The following NEDD4L variants were observed in gnomAD, a reference collection of about 807,000 sequenced individuals.
NEDD4L encodes E3 ubiquitin-protein ligase NEDD4-like.
Under a neutral mutation model 148.9 loss-of-function variants are expected in NEDD4L, and 54 were observed. The ratio of observed to expected loss-of-function variants is 0.36; its 90% CI spans 0.29 to 0.45. The LOEUF (loss-of-function observed/expected upper bound fraction) is 0.45, where lower values mean the gene tolerates loss of function less well. Ranked by LOEUF, NEDD4L falls within the 20% of genes least tolerant of loss-of-function variation. The pLI is 1.00. For missense variants in NEDD4L, 856 were observed against 1,233.8 expected, an observed-to-expected ratio of 0.69 and a Z score of 4.59; for synonymous variants, 433 against 440.7, an observed-to-expected ratio of 0.98 and a Z score of 0.22.
At chr18:58,214,791 C>CTTTCTTTT (rs2042979624) in intron 2 of NEDD4L, among the ~76,000 whole-genome samples, 1 of 79,158 alleles carries the variant, frequency 1.3e-5, no homozygotes, top group Middle Eastern at 6.3e-3. Context: ...CTGTTTCTTT[C>CTTTCTTTT]TTTCTTTCAT....
intron 2 of NEDD4L, among the ~76,000 whole-genome samples, chr18:58,229,801 C>A (rs909844902): frequency 4.6e-5 from 7 of 151,968 alleles, no homozygotes; most frequent in African/African-American, 1.7e-4. Context: ...ACTATCCTGG[C>A]CAATATGGTG....
intron 10 of NEDD4L, among the ~76,000 whole-genome samples, chr18:58,330,503 C>G (rs1341001334): frequency 6.6e-6 from 1 of 152,222 alleles, no homozygotes; most frequent in Admixed American, 6.5e-5. Flanking sequence ...GGCCCTACCA[C>G]TTGCTAGATG....
intron 2 of NEDD4L, among the ~76,000 whole-genome samples, chr18:58,241,194 G>A (rs555995778): frequency 1.3e-5 from 2 of 152,354 alleles, no homozygotes; most frequent in African/African-American, 2.4e-5. Context: ...TATAAGGGAA[G>A]TGCTACTATT....
At chr18:58,248,017 A>G (rs1485086178) in intron 3 of NEDD4L, among the ~76,000 whole-genome samples, 3 of 152,140 alleles carry the variant, frequency 2.0e-5, no homozygotes, top group African/African-American at 7.2e-5. Flanking sequence ...CATCTCCCTG[A>G]ACTGATCTAT....
intron 24 of NEDD4L, 74 bp downstream of exon 24, chr18:58,373,343 A>G: frequency 1.2e-6 from 1 of 831,944 alleles, no homozygotes; most frequent in Non-Finnish European, 2.0e-6. Flanking sequence ...GCTGTAACAC[A>G]ACTTTGCTGG....
At chr18:58,370,970 G>A (rs571504942) in intron 23 of NEDD4L, among the ~76,000 whole-genome samples, 1 of 152,328 alleles carries the variant, frequency 6.6e-6, no homozygotes, top group South Asian at 2.1e-4. Context: ...AGTGATTTGG[G>A]TTTTCATGTT....
chr18:58,175,308 C>T (rs979803170), intron 2 of NEDD4L, among the ~76,000 whole-genome samples: 32 of 149,276 alleles, frequency 2.1e-4, no homozygotes, highest in African/African-American at 7.1e-4. Flanking sequence ...CACTAGGGAC[C>T]GTACACCTCC....
chr18:58,325,655 T>C (rs2144452238), intron 9 of NEDD4L, among the ~76,000 whole-genome samples: 1 of 152,322 alleles, frequency 6.6e-6, no homozygotes. Flanking sequence ...CCCCTTAATA[T>C]AATCAGAAAC....
chr18:58,179,204 C>G (rs954648014), intron 2 of NEDD4L, among the ~76,000 whole-genome samples: 2 of 152,156 alleles, frequency 1.3e-5, no homozygotes, highest in Non-Finnish European at 2.9e-5. Context: ...ATTTCATCTT[C>G]TCTTATTATT....
At chr18:58,309,869 G>C (rs990545656) in intron 5 of NEDD4L, among the ~76,000 whole-genome samples, 1 of 152,040 alleles carries the variant, frequency 6.6e-6, no homozygotes, top group Non-Finnish European at 1.5e-5. Flanking sequence ...CAAGTACCTG[G>C]AGCCACCAGG....
chr18:58,165,242 C>T (rs80071486), intron 1 of NEDD4L, among the ~76,000 whole-genome samples: 1,712 of 152,310 alleles, frequency 0.011, 31 homozygotes, highest in African/African-American at 0.039. Flanking sequence ...TTCCAAGACA[C>T]TTTGGGGTGG....
intron 16 of NEDD4L, among the ~76,000 whole-genome samples, chr18:58,348,145 C>G (rs1302981998): frequency 1.3e-5 from 2 of 151,652 alleles, no homozygotes; most frequent in African/African-American, 4.9e-5. Flanking sequence ...GGCAGGCATG[C>G]ACCACCACAC....
At chr18:58,072,693 T>G (rs2082929552) in intron 1 of NEDD4L, among the ~76,000 whole-genome samples, 1 of 152,212 alleles carries the variant, frequency 6.6e-6, no homozygotes, top group Non-Finnish European at 1.5e-5. Flanking sequence ...TTCTCACCAC[T>G]TCTATGTAGC....
intron 2 of NEDD4L, among the ~76,000 whole-genome samples, chr18:58,181,310 G>T (rs895168721): frequency 6.6e-6 from 1 of 152,176 alleles, no homozygotes; most frequent in Non-Finnish European, 1.5e-5. Flanking sequence ...TTCAAATGAA[G>T]AGTACTGTAT....
At chr18:58,175,701 C>G (rs1350426529) in intron 2 of NEDD4L, among the ~76,000 whole-genome samples, 1 of 152,232 alleles carries the variant, frequency 6.6e-6, no homozygotes, top group Non-Finnish European at 1.5e-5. Context: ...GCTGTTTGTT[C>G]TAGCTGTATT....
At chr18:58,361,599 T>C (rs1191178204) in intron 19 of NEDD4L, among the ~76,000 whole-genome samples, 1 of 152,196 alleles carries the variant, frequency 6.6e-6, no homozygotes, top group East Asian at 1.9e-4. Flanking sequence ...GAGCCCCAGA[T>C]GCGCTGGTGT....
At chr18:58,060,438 A>G (rs1175352751) in intron 1 of NEDD4L, among the ~76,000 whole-genome samples, 1 of 152,128 alleles carries the variant, frequency 6.6e-6, no homozygotes, top group Non-Finnish European at 1.5e-5. Context: ...AAAGCTCACC[A>G]TGCAGCTTTG....
intron 1 of NEDD4L, among the ~76,000 whole-genome samples, chr18:58,156,829 C>T (rs1363850160): frequency 6.6e-6 from 1 of 152,148 alleles, no homozygotes; most frequent in African/African-American, 2.4e-5. Flanking sequence ...CTTCTGCCAC[C>T]TCCTCCTCCT....
rs1030872748 is a variant in NEDD4L at position 58,109,219 on chromosome 18, G to A, written c.49-56569G>A. Among the ~76,000 whole-genome samples, 11 of 152,334 alleles carry A rather than the reference G, an allele frequency of 7.2e-5. No homozygotes were observed. The South Asian group carries it at 1.0e-3, about 14-fold the overall frequency. On this transcript the variant is annotated intron_variant, in intron 1 of 30. Coordinates refer to ENST00000400345, the MANE Select transcript of NEDD4L (RefSeq NM_001144967.3). Reference sequence around the variant, plus strand: ...AGGCAGGCGGGAAGCCCAGGAGGGCGTGATAAGTGCTACAATTCAGGTGTG... The same window carrying A: ...AGGCAGGCGGGAAGCCCAGGAGGGCATGATAAGTGCTACAATTCAGGTGTG...
Sources: gnomAD v4.1 joint callset for allele counts (sites outside exome capture counted in the v4.1 genomes callset) on GRCh38, gnomAD v4.1.1 for gene constraint, MANE v1.5 for transcripts, NCBI Gene and HGNC (gene_info 2026-07-23, HGNC 2026-07-21) for gene names.